DIP2B: variants seen among roughly 807,000 people sequenced by gnomAD.
DIP2B encodes the protein DIP2 acetate--CoA ligase B (putative).
In DIP2B, 76 loss-of-function variants were observed where a neutral mutation model predicts 198.0. That is an observed-to-expected ratio of 0.38 (90% CI 0.32 to 0.46). The LOEUF (loss-of-function observed/expected upper bound fraction) is 0.46. DIP2B is among the 20% of genes least tolerant of loss of function. DIP2B has a pLI of 0.99. For synonymous variants in DIP2B, 701 were observed against 739.1 expected (o/e 0.95, Z 0.84); for missense variants, 1,559 against 1,978.4 (o/e 0.79, Z 4.02).
intron 1 of DIP2B, among the ~76,000 whole-genome samples, chr12:50,581,729 C>T (rs1330038302): frequency 6.6e-6 from 1 of 151,994 alleles, no homozygotes; most frequent in South Asian, 2.1e-4. Context: ...GATATCCACT[C>T]AACTCCTGCT....
chr12:50,606,892 G>T (rs574111595), intron 1 of DIP2B, among the ~76,000 whole-genome samples: 1 of 151,234 alleles, frequency 6.6e-6, no homozygotes, highest in East Asian at 1.9e-4. Context: ...CTGTAGCTTT[G>T]ACCTTCTGGG....
intron 1 of DIP2B, among the ~76,000 whole-genome samples, chr12:50,549,830 T>C (rs1958411537): frequency 6.6e-6 from 1 of 151,924 alleles, no homozygotes; most frequent in Non-Finnish European, 1.5e-5. Flanking sequence ...TAAGTCTGTG[T>C]GCACAAAATT....
At chr12:50,544,276 C>T (rs1432741132) in intron 1 of DIP2B, among the ~76,000 whole-genome samples, 1 of 151,900 alleles carries the variant, frequency 6.6e-6, no homozygotes, top group Non-Finnish European at 1.5e-5. Flanking sequence ...AATCCTAACA[C>T]CCAAGTGTAA....
intron 2 of DIP2B, 55 bp from the exon 3 acceptor site, chr12:50,640,669 A>G (rs1938239487): frequency 6.3e-7 from 1 of 1,595,378 alleles, no homozygotes; most frequent in African/African-American, 1.3e-5. Context: ...AGTGCTTTAG[A>G]AAATGTTAGC....
At chr12:50,721,886 G>A (rs1220879900) in intron 26 of DIP2B, among the ~76,000 whole-genome samples, 4 of 152,060 alleles carry the variant, frequency 2.6e-5, no homozygotes, top group Admixed American at 2.0e-4. Flanking sequence ...GAAAGGAGAG[G>A]TGAGGAAGCC....
intron 1 of DIP2B, among the ~76,000 whole-genome samples, chr12:50,584,593 T>G (rs1053016931): frequency 1.3e-5 from 2 of 152,244 alleles, no homozygotes; most frequent in African/African-American, 4.8e-5. Flanking sequence ...AGACAGAATC[T>G]CACTGTGTGG....
intron 2 of DIP2B, chr12:50,633,514 C>T (rs1996750): frequency 0.064 from 9,729 of 152,312 alleles, 727 homozygotes; most frequent in East Asian, 0.36. Flanking sequence ...CTCAGTGGCT[C>T]ATGCCTGTAA....
At chr12:50,540,069 T>G (rs996756333) in intron 1 of DIP2B, among the ~76,000 whole-genome samples, 6 of 145,498 alleles carry the variant, frequency 4.1e-5, no homozygotes, top group African/African-American at 1.0e-4. Flanking sequence ...TTTTTTTTTT[T>G]TTTTTTTTTT....
Position 50,657,093 on chromosome 12 carries a change from T to A in DIP2B, c.302-3101T>A, listed in dbSNP as rs1045947019. 3.5e-4 allele frequency: 53 copies of A among 151,872 alleles called. 1 individual carries two copies. Among genetic ancestry groups the A allele is most frequent in the African/African-American group, 1.1e-3 (45 of 41,442 alleles). The allele number at this position is 151,872 out of a possible 1,614,324, so 9.4% of individuals were successfully genotyped here. A position where few individuals can be genotyped will look rare whatever the true frequency, so the allele number is the denominator to read the frequency against. ...TCCATTAAAAATAAAAAATATTTTT[T>A]AAAAAAATGGCAGGTGTGGTGGCCC... On this transcript the variant is annotated intron_variant, in intron 3 of 37. Coordinates refer to ENST00000301180, the MANE Select transcript of DIP2B (RefSeq NM_173602.3).
intron 1 of DIP2B, among the ~76,000 whole-genome samples, chr12:50,563,776 A>G (rs997148581): frequency 6.7e-6 from 1 of 149,842 alleles, no homozygotes. Flanking sequence ...GTTTACAGGC[A>G]TAAGCCACCT....
chr12:50,538,749 A>T (rs994585839), intron 1 of DIP2B, among the ~76,000 whole-genome samples: 1 of 152,152 alleles, frequency 6.6e-6, no homozygotes, highest in Non-Finnish European at 1.5e-5. Context: ...TATTCCACAC[A>T]TACAGTTTTT....
chr12:50,640,878 G>T, intron 3 of DIP2B, 26 bp downstream of exon 3: 1 of 1,604,630 alleles, frequency 6.2e-7, no homozygotes, highest in South Asian at 1.1e-5. Flanking sequence ...AGAATGGCCA[G>T]CTGAATCGTT....
At chr12:50,516,905 A>G (rs1958070717) in intron 1 of DIP2B, among the ~76,000 whole-genome samples, 1 of 151,788 alleles carries the variant, frequency 6.6e-6, no homozygotes, top group Non-Finnish European at 1.5e-5. Context: ...GCTTGAGCCC[A>G]GGAGACGGAG....
chr12:50,537,055 C>CTTT (rs1012947998), intron 1 of DIP2B, among the ~76,000 whole-genome samples: 1 of 118,090 alleles, frequency 8.5e-6, no homozygotes, highest in Admixed American at 8.8e-5. Flanking sequence ...TTATCCTGTG[C>CTTT]TTTTTTTTTT....
At chr12:50,549,249 A>G (rs970510167) in intron 1 of DIP2B, among the ~76,000 whole-genome samples, 2 of 151,924 alleles carry the variant, frequency 1.3e-5, no homozygotes, top group African/African-American at 4.8e-5. Context: ...TGGGTGGATC[A>G]CAAGGTCAAG....
At chr12:50,728,094 G>A (rs1939968773) in intron 29 of DIP2B, among the ~76,000 whole-genome samples, 1 of 152,180 alleles carries the variant, frequency 6.6e-6, no homozygotes, top group Non-Finnish European at 1.5e-5. Flanking sequence ...ATAAAATGCA[G>A]TATTCGCTGG....
chr12:50,704,806 A>G (rs995136191), intron 20 of DIP2B, among the ~76,000 whole-genome samples: 1 of 152,194 alleles, frequency 6.6e-6, no homozygotes, highest in Admixed American at 6.5e-5. Context: ...TCTACTAAAA[A>G]TACAAAAATT....
chr12:50,592,328 C>T (rs1308023332), intron 1 of DIP2B, among the ~76,000 whole-genome samples: 3 of 152,052 alleles, frequency 2.0e-5, no homozygotes, highest in Admixed American at 6.6e-5. Flanking sequence ...ACAAGTGCCA[C>T]CATGTCTGGC....
intron 3 of DIP2B, among the ~76,000 whole-genome samples, chr12:50,645,809 T>C (rs1433987989): frequency 2.0e-5 from 3 of 152,056 alleles, no homozygotes; most frequent in Non-Finnish European, 4.4e-5. Flanking sequence ...TAGCATATAA[T>C]CTGATTTTTA....
Sources: allele counts gnomAD v4.1 joint callset (sites outside exome capture counted in the v4.1 genomes callset), GRCh38; gene constraint gnomAD v4.1.1; transcripts MANE v1.5; gene names NCBI Gene and HGNC (gene_info 2026-07-23, HGNC 2026-07-21).